PCDHGA6: variants seen among roughly 807,000 people sequenced by gnomAD.
The protein encoded by PCDHGA6 is protocadherin gamma-A6.
PCDHGA6 carries 41 observed loss-of-function variants against 60.6 expected under a neutral mutation model. The ratio of observed to expected loss-of-function variants is 0.68; its 90% CI spans 0.53 to 0.88. The LOEUF is 0.88. Ranked by LOEUF, PCDHGA6 falls within the 40% of genes least tolerant of loss-of-function variation. The pLI is 0.00. For missense variants in PCDHGA6, 1,312 were observed against 1,203.0 expected (o/e 1.09, Z -1.34); for synonymous variants, 594 against 524.4 (o/e 1.13, Z -1.81).
chr5:141,423,494 A>C lies in PCDHGA6; in HGVS notation c.2424+46987A>C, dbSNP rs753859784. ...CAGGCTTTCCTGCAAACCTATTCCCACGAGGTCTCTCTCATTGCGGACTCG... is the reference window on the plus strand; with the variant it reads ...CAGGCTTTCCTGCAAACCTATTCCCCCGAGGTCTCTCTCATTGCGGACTCG... On this transcript the variant is annotated intron_variant, in intron 1 of 3. Transcript: ENST00000517434. The C allele has an allele frequency of 3.8e-5, 61 of 1,613,842 alleles. No individual in the cohort carries two copies. The highest frequency in any genetic ancestry group is 5.9e-6 in the Non-Finnish European group (7 of 1,179,940).
intron 2 of PCDHGA6, among the ~76,000 whole-genome samples, chr5:141,500,666 G>A (rs567881941): frequency 3.6e-4 from 55 of 152,250 alleles, no homozygotes; most frequent in African/African-American, 1.3e-3. Context: ...AGGCCATACT[G>A]TCCAACAGAA....
In PCDHGA6 at chr5:141,477,798, A is replaced by G; in HGVS notation, c.2425-17009A>G. On this transcript the variant is annotated intron_variant, in intron 1 of 3. Transcript: ENST00000517434. The surrounding 1 kb of genome is among the most constrained non-coding windows in gnomAD (Gnocchi z 4.9). ...GTGAACATATTTGTCACTGATCGCA[A>G]TGACAATGCCCCCCAGGTCCTATAT... The G allele has an allele frequency of 6.2e-7, 1 of 1,614,140 alleles. No homozygotes were observed. The highest frequency in any genetic ancestry group is 8.5e-7 in the Non-Finnish European group (1 of 1,180,038).
chr5:141,461,040 G>A (rs536064886), intron 1 of PCDHGA6, among the ~76,000 whole-genome samples: 123 of 150,514 alleles, frequency 8.2e-4, no homozygotes, highest in East Asian at 2.5e-3. Flanking sequence ...CTCATTAGTC[G>A]ATGGGGACTT....
At chr5:141,421,979 G>C in intron 1 of PCDHGA6, 1 of 1,609,702 alleles carries the variant, frequency 6.2e-7, no homozygotes, top group Non-Finnish European at 8.5e-7. Flanking sequence ...TATCGCGTGA[G>C]TGTTCCAGAA....
Position 141,485,950 on chromosome 5 carries a change from G to A in PCDHGA6, c.2425-8857G>A. ...TGTTGGAGAGCGCACCAGCGGGCAT[G>A]GTGCTCATCCAGCTCAATGCCTCAG... On this transcript the variant is annotated intron_variant, in intron 1 of 3. Transcript: ENST00000517434. The surrounding 1 kb of genome is among the most constrained non-coding windows in gnomAD (Gnocchi z 5.7). 6.2e-7 allele frequency: 1 copy of A among 1,614,184 alleles called. No individual in the cohort carries two copies. The highest frequency in any genetic ancestry group is 8.5e-7 in the Non-Finnish European group (1 of 1,180,030).
intron 1 of PCDHGA6, among the ~76,000 whole-genome samples, chr5:141,453,322 G>A (rs897661534): frequency 6.6e-6 from 1 of 151,544 alleles, no homozygotes; most frequent in Non-Finnish European, 1.5e-5. Flanking sequence ...TTTTAGAGAT[G>A]GGGTCTCACT....
chr5:141,436,931 G>A (rs1026520169), intron 1 of PCDHGA6, among the ~76,000 whole-genome samples: 1 of 152,114 alleles, frequency 6.6e-6, no homozygotes, highest in Non-Finnish European at 1.5e-5. Context: ...CTTTTTCTTT[G>A]TCTGAACCAT....
rs1391608601 is a variant in PCDHGA6 at position 141,511,893 on chromosome 5, A to G, written c.*720A>G. The G allele has an allele frequency of 6.4e-6, 1 of 155,062 alleles. No homozygotes were observed. Among genetic ancestry groups the G allele is most frequent in the East Asian group, 1.9e-4 (1 of 5,240 alleles). 9.6% of individuals were successfully genotyped at this position (155,062 alleles called of 1,614,324 possible). A position where few individuals can be genotyped will look rare whatever the true frequency, so the allele number is the denominator to read the frequency against. On this transcript the variant is annotated 3_prime_UTR_variant, in exon 4 of 4. Transcript: ENST00000517434. ...TCCACTGCATGCCTTGACTTCCCCC[A>G]CCTCCTCCTCAAACAAGAGACTCCA...
intron 1 of PCDHGA6, chr5:141,427,703 C>T (rs529490424): frequency 1.0e-6 from 1 of 957,508 alleles, no homozygotes. Flanking sequence ...CACAAGTCAG[C>T]GCCTCTGACC....
Position 141,491,302 on chromosome 5 carries a change from T to TC in PCDHGA6, c.2425-3504dup. The TC allele has an allele frequency of 6.2e-7, 1 of 1,614,126 alleles. No individual in the cohort carries two copies. Among genetic ancestry groups the TC allele is most frequent in the Non-Finnish European group, 8.5e-7 (1 of 1,180,000 alleles). On this transcript the variant is annotated intron_variant, in intron 1 of 3. Transcript: ENST00000517434. The surrounding 1 kb of genome is among the most constrained non-coding windows in gnomAD (Gnocchi z 6.9). ...CTTCCTCATACACCCTCCTGAGCGT[T>TC]CAGACCTTACCCTTTACCTCATTGT... is the stretch of plus-strand genomic sequence containing the variant.
intron 1 of PCDHGA6, chr5:141,404,498 G>A (rs1237860716): frequency 6.2e-7 from 1 of 1,613,878 alleles, no homozygotes; most frequent in East Asian, 2.2e-5. Context: ...TGTGCTGTAT[G>A]CTCTGTGCTC....
chr5:141,500,835 A>G (rs965204931), intron 2 of PCDHGA6, among the ~76,000 whole-genome samples: 13 of 152,118 alleles, frequency 8.5e-5, no homozygotes, highest in African/African-American at 3.1e-4. Context: ...TCTAATGCTA[A>G]TGGGCTTTTG....
Position 141,451,680 on chromosome 5 carries a change from A to G in PCDHGA6, c.2425-43127A>G, listed in dbSNP as rs189200375. Among the ~76,000 whole-genome samples, 85 of 152,310 alleles carry G rather than the reference A, an allele frequency of 5.6e-4. 1 individual carries two copies. The East Asian group carries it at 0.012, about 21-fold the overall frequency. On this transcript the variant is annotated intron_variant, in intron 1 of 3. Coordinates refer to ENST00000517434, the MANE Select transcript of PCDHGA6 (RefSeq NM_018919.3). The stretch of plus-strand genomic sequence containing the variant: ...GTGGACTGCTTGAGCCCAGGAGTTC[A>G]AGACCAGCCTGGGTAACATGACAAA...
intron 1 of PCDHGA6, chr5:141,389,406 G>C (rs1235613335): frequency 2.5e-6 from 4 of 1,613,514 alleles, no homozygotes; most frequent in Non-Finnish European, 3.4e-6. Flanking sequence ...CATAAGCGCG[G>C]AGAGCGGGGT....
At chr5:141,481,013 A>G (rs1198627648) in intron 1 of PCDHGA6, among the ~76,000 whole-genome samples, 1 of 152,164 alleles carries the variant, frequency 6.6e-6, no homozygotes, top group Admixed American at 6.5e-5. Context: ...AGCCCAGATC[A>G]CACCACTGCA....
intron 1 of PCDHGA6, chr5:141,423,387 G>A (rs373190092): frequency 6.2e-7 from 1 of 1,614,162 alleles, no homozygotes; most frequent in Non-Finnish European, 8.5e-7. Context: ...TGTGGCGCTG[G>A]CATAAGTCAC....
chr5:141,432,367 C>A lies in PCDHGA6; in HGVS notation c.2424+55860C>A, dbSNP rs2097491556. 6.2e-7 allele frequency: 1 copy of A among 1,614,246 alleles called. No individual in the cohort carries two copies. The highest frequency in any genetic ancestry group is 8.5e-7 in the Non-Finnish European group (1 of 1,180,040). The stretch of plus-strand genomic sequence containing the variant: ...TGCAAGTGAAAGTGATGGCGCGGGA[C>A]AACGGGCACCCGCCCCTCAGCAGCA... On this transcript the variant is annotated intron_variant, in intron 1 of 3. Transcript: ENST00000517434. This position sits in a 1 kb window ranked among gnomAD's most constrained non-coding sequence, Gnocchi z 6.0.
At chr5:141,413,352 G>T in intron 1 of PCDHGA6, 11 of 1,613,976 alleles carry the variant, frequency 6.8e-6, no homozygotes, top group Non-Finnish European at 9.3e-6. Flanking sequence ...TGGGTCTGGC[G>T]CCCCGGGAGC....
chr5:141,481,913 CAAAAAAAA>C (rs34114744), intron 1 of PCDHGA6, among the ~76,000 whole-genome samples: 1 of 90,852 alleles, frequency 1.1e-5, no homozygotes, highest in African/African-American at 4.2e-5. Flanking sequence ...AACTCCATCT[CAAAAAAAA>C]AAAAAAAAAA....
Sources: allele counts gnomAD v4.1 joint callset (sites outside exome capture counted in the v4.1 genomes callset), GRCh38; gene constraint gnomAD v4.1.1; non-coding constraint Gnocchi (gnomAD v3.1); transcripts MANE v1.5; gene names NCBI Gene and HGNC (gene_info 2026-07-23, HGNC 2026-07-21).